The following MROH1 variants were observed in gnomAD, a reference collection of about 807,000 sequenced individuals.
The protein encoded by MROH1 is maestro heat like repeat family member 1.
Under a neutral mutation model 116.5 loss-of-function variants are expected in MROH1, and 117 were observed. The ratio of observed to expected loss-of-function variants is 1.00; its 90% CI spans 0.86 to 1.17. MROH1 has a LOEUF of 1.17. MROH1 is among the 50% of genes most tolerant of loss of function. MROH1 has a pLI of 0.00. For missense variants in MROH1, 1,873 were observed against 1,338.5 expected, an observed-to-expected ratio of 1.40 and a Z score of -6.23; for synonymous variants, 921 against 583.9, an observed-to-expected ratio of 1.58 and a Z score of -8.32.
At chr8:144,191,319 C>T (rs1229222200) in intron 8 of MROH1, among the ~76,000 whole-genome samples, 1 of 152,198 alleles carries the variant, frequency 6.6e-6, no homozygotes, top group Non-Finnish European at 1.5e-5. Flanking sequence ...ATCCACCCGC[C>T]TTGGCCTCCC....
intron 4 of MROH1, among the ~76,000 whole-genome samples, chr8:144,169,749 T>A (rs552477474): frequency 1.3e-5 from 2 of 150,256 alleles, no homozygotes; most frequent in South Asian, 4.2e-4. Flanking sequence ...TTCAAGCGAT[T>A]CTCCTGTCTC....
rs1388722295 is a variant in MROH1, at chr8:144,180,359, GC to G, written c.463+23del. The G allele has an allele frequency of 6.2e-7, 1 of 1,607,994 alleles. No homozygotes were observed. ...GCCAACGGTAGGTGACGCGCGGCCTGCCCCAGGAGGAGCACGGGGCGCTGGA... is the reference window on the plus strand; with the variant it reads ...GCCAACGGTAGGTGACGCGCGGCCTGCCCAGGAGGAGCACGGGGCGCTGGA... On this transcript the variant is annotated intron_variant, in intron 6 of 43. Transcript: ENST00000326134. This position sits in a 1 kb window ranked among gnomAD's most constrained non-coding sequence, Gnocchi z 7.4.
Position 144,180,559 on chromosome 8 carries a change from C to A in MROH1, c.562+36C>A. 1.3e-6 allele frequency: 2 copies of A among 1,589,890 alleles called. No homozygotes were observed. The highest frequency in any genetic ancestry group is 1.7e-6 in the Non-Finnish European group (2 of 1,167,482). ...GCCTCGTCACCTTCTGTCTCAAGTG[C>A]CCCTTTGTGGGGGGCTGTTCCCGGG... On this transcript the variant is annotated intron_variant, in intron 7 of 43. Coordinates refer to ENST00000326134, the MANE Select transcript of MROH1 (RefSeq NM_032450.3). This position sits in a 1 kb window ranked among gnomAD's most constrained non-coding sequence, Gnocchi z 7.4.
At chr8:144,211,522 A>T (rs1834084821) in intron 12 of MROH1, among the ~76,000 whole-genome samples, 1 of 151,986 alleles carries the variant, frequency 6.6e-6, no homozygotes, top group South Asian at 2.1e-4. Context: ...TCAGGAGTTC[A>T]AGACCAGCCT....
rs1469233390 is a variant in MROH1, at chr8:144,258,906, G to A, written c.3921G>A (p.Arg1307=). 25 of 752,730 alleles carry A rather than the reference G, an allele frequency of 3.3e-5. No homozygotes were observed. The highest frequency in any genetic ancestry group is 2.3e-4 in the East Asian group (9 of 39,994). The allele number at this position is 752,730 out of a possible 1,614,324, so 46.6% of individuals were successfully genotyped here. The change falls in exon 36 of 44, where the codon AGG becomes AGA. Residue 1307 remains arginine, a synonymous_variant. Coordinates refer to ENST00000326134, the MANE Select transcript of MROH1 (RefSeq NM_032450.3). ...CGGGGCATGAGGAGGGGGCCACCAG[G>A]TTGGCCAGGTGAGCGGGCCCAGCCC... ...TSAGHEEGAT[R]LARAMAEHAG...
At chr8:144,204,111 C>T (rs1327790275) in intron 12 of MROH1, among the ~76,000 whole-genome samples, 2 of 152,186 alleles carry the variant, frequency 1.3e-5, no homozygotes, top group Non-Finnish European at 2.9e-5. Context: ...ACATCTGTGT[C>T]ATTTTTTGTT....
intron 32 of MROH1, among the ~76,000 whole-genome samples, chr8:144,249,365 C>T (rs1170530357): frequency 1.3e-5 from 2 of 152,156 alleles, no homozygotes; most frequent in Non-Finnish European, 2.9e-5. Context: ...TCCCTTAGCC[C>T]ACAGGGTGTC....
intron 14 of MROH1, among the ~76,000 whole-genome samples, chr8:144,234,252 G>A (rs1193717156): frequency 1.3e-5 from 2 of 151,934 alleles, no homozygotes; most frequent in African/African-American, 2.4e-5. Flanking sequence ...CTCGTGATCC[G>A]CCGGCCTCGG....
chr8:144,174,564 G>A (rs543551447), intron 4 of MROH1, among the ~76,000 whole-genome samples: 42 of 150,816 alleles, frequency 2.8e-4, no homozygotes, highest in African/African-American at 9.5e-4. Context: ...GCTTACTGCA[G>A]CCTTGATCTC....
chr8:144,187,215 A>G (rs1055119204), intron 7 of MROH1, among the ~76,000 whole-genome samples: 2 of 152,150 alleles, frequency 1.3e-5, no homozygotes, highest in African/African-American at 4.8e-5. Context: ...GTTTGACACC[A>G]ATCTGGGCAT....
chr8:144,176,188 G>A (rs958082442), intron 4 of MROH1, among the ~76,000 whole-genome samples: 8 of 151,816 alleles, frequency 5.3e-5, no homozygotes, highest in African/African-American at 1.2e-4. Context: ...CCAACGTGGC[G>A]AAACCTCATT....
intron 4 of MROH1, among the ~76,000 whole-genome samples, chr8:144,177,776 GCTT>G (rs10560081): frequency 0.97 from 147,261 of 152,046 alleles, 71,478 homozygotes; most frequent in South Asian, 1. Flanking sequence ...AAAGCATGTG[GCTT>G]CTTCTCTTCC....
In MROH1 at chr8:144,180,292, C is replaced by T; in HGVS notation, c.415C>T (p.Pro139Ser). Reference sequence around the variant, plus strand: ...GCGCAGGCTGCACCCTGGGACCCTGCCACACTGCGCCGTGCTGCACACCCT... The same window carrying T: ...GCGCAGGCTGCACCCTGGGACCCTGTCACACTGCGCCGTGCTGCACACCCT... ...LLRRLHPGTL[P>S]HCAVLHTLAS... is the part of the protein sequence containing the mutation. The change falls in exon 6 of 44, where the codon CCA (proline) becomes TCA (serine). Residue 139 changes from proline to serine, a missense_variant. By Grantham distance (74) the Pro-to-Ser change is moderately conservative (BLOSUM62 -1). Coordinates refer to ENST00000326134, the MANE Select transcript of MROH1 (RefSeq NM_032450.3). This position sits in a 1 kb window ranked among gnomAD's most constrained non-coding sequence, Gnocchi z 7.4. The T allele has an allele frequency of 6.2e-7, 1 of 1,608,400 alleles. No homozygotes were observed. The highest frequency in any genetic ancestry group is 8.5e-7 in the Non-Finnish European group (1 of 1,179,736).
chr8:144,238,670 G>A (rs1840451271), intron 14 of MROH1, 86 bp from the exon 15 acceptor site: 1 of 727,194 alleles, frequency 1.4e-6, no homozygotes, highest in Non-Finnish European at 2.5e-6. Flanking sequence ...CGAGGCTCAG[G>A]GTCTGCCCCG....
chr8:144,192,160 G>A (rs1471435431), intron 9 of MROH1, 149 bp from the exon 10 acceptor site: 18 of 716,508 alleles, frequency 2.5e-5, no homozygotes, highest in Middle Eastern at 4.0e-4. Context: ...AGAGGTAGAC[G>A]AAAGGCCTCC....
intron 21 of MROH1, 107 bp downstream of exon 21, chr8:144,241,218 G>A (rs1840918219): frequency 2.9e-6 from 2 of 700,672 alleles, no homozygotes; most frequent in Non-Finnish European, 5.3e-6. Flanking sequence ...GTGTGTGCGT[G>A]TGTGCATACA....
chr8:144,204,751 G>T (rs963512279), intron 12 of MROH1, among the ~76,000 whole-genome samples: 3 of 152,176 alleles, frequency 2.0e-5, no homozygotes, highest in Non-Finnish European at 2.9e-5. Flanking sequence ...TCCCGTGAAG[G>T]ATTCCAGTGA....
intron 1 of MROH1, among the ~76,000 whole-genome samples, chr8:144,157,837 C>G (rs1818532460): frequency 6.6e-6 from 1 of 151,236 alleles, no homozygotes; most frequent in Non-Finnish European, 1.5e-5. Context: ...GCCACCATGC[C>G]CAGCTGATTT....
At chr8:144,232,041 ATTAT>A (rs1436964246) in intron 14 of MROH1, among the ~76,000 whole-genome samples, 1 of 152,204 alleles carries the variant, frequency 6.6e-6, no homozygotes, top group African/African-American at 2.4e-5. Context: ...AAGCATTCTA[ATTAT>A]TCCTTTCTAG....
Sources: allele counts gnomAD v4.1 joint callset (sites outside exome capture counted in the v4.1 genomes callset), GRCh38; gene constraint gnomAD v4.1.1; non-coding constraint Gnocchi (gnomAD v3.1); transcripts MANE v1.5; gene names NCBI Gene and HGNC (gene_info 2026-07-23, HGNC 2026-07-21).